DYNC1I1: variants seen among roughly 807,000 people sequenced by gnomAD.
The protein encoded by DYNC1I1 is dynein cytoplasmic 1 intermediate chain 1, also known as cytoplasmic dynein 1 intermediate chain 1.
Under a neutral mutation model 86.6 loss-of-function variants are expected in DYNC1I1, and 43 were observed. The observed-to-expected ratio is 0.50, with a 90% CI of 0.39 to 0.64. The LOEUF (loss-of-function observed/expected upper bound fraction) is 0.64. DYNC1I1 is among the 30% of genes least tolerant of loss of function. The probability of loss-of-function intolerance (pLI) is 0.00; values close to 1 mark genes in which losing one functional copy is unlikely to be tolerated. For synonymous variants in DYNC1I1, 262 were observed against 283.7 expected, an observed-to-expected ratio of 0.92 and a Z score of 0.77; for missense variants, 604 against 788.8, an observed-to-expected ratio of 0.77 and a Z score of 2.81.
At chr7:95,924,443 G>A (rs1218222882) in intron 6 of DYNC1I1, among the ~76,000 whole-genome samples, 1 of 152,150 alleles carries the variant, frequency 6.6e-6, no homozygotes, top group Non-Finnish European at 1.5e-5. Context: ...AATTATGTTG[G>A]ATTGTTATTA....
At chr7:96,010,582 A>G (rs1049451641) in intron 10 of DYNC1I1, among the ~76,000 whole-genome samples, 3 of 152,152 alleles carry the variant, frequency 2.0e-5, no homozygotes, top group African/African-American at 7.2e-5. Context: ...GTTCCTGGGG[A>G]GGGTCTGACC....
chr7:95,981,433 AT>A (rs1233130791), intron 7 of DYNC1I1, among the ~76,000 whole-genome samples: 1 of 150,570 alleles, frequency 6.6e-6, no homozygotes, highest in African/African-American at 2.4e-5. Context: ...TGAAATTTAT[AT>A]TCTATTGTAA....
intron 16 of DYNC1I1, among the ~76,000 whole-genome samples, chr7:96,105,153 G>A (rs1054636857): frequency 6.6e-6 from 1 of 151,284 alleles, no homozygotes; most frequent in African/African-American, 2.4e-5. Context: ...TAGAAATTTA[G>A]TTTTGTATAT....
intron 4 of DYNC1I1, among the ~76,000 whole-genome samples, chr7:95,825,168 G>A (rs1441942023): frequency 2.0e-5 from 3 of 152,166 alleles, no homozygotes; most frequent in Non-Finnish European, 4.4e-5. Flanking sequence ...TTTTCTGGCC[G>A]AGTAAATGCA....
At chr7:96,036,969 G>T (rs1794940984) in intron 13 of DYNC1I1, among the ~76,000 whole-genome samples, 1 of 152,086 alleles carries the variant, frequency 6.6e-6, no homozygotes, top group Non-Finnish European at 1.5e-5. Flanking sequence ...TTATTCCATT[G>T]ATTTTTTTTC....
At chr7:95,794,845 A>G (rs1282342534) in intron 1 of DYNC1I1, among the ~76,000 whole-genome samples, 1 of 152,214 alleles carries the variant, frequency 6.6e-6, no homozygotes, top group African/African-American at 2.4e-5. Context: ...AAAATTTCTG[A>G]ATTTCCTAGT....
At chr7:95,777,159 G>A (rs1793863160) in intron 1 of DYNC1I1, among the ~76,000 whole-genome samples, 1 of 152,150 alleles carries the variant, frequency 6.6e-6, no homozygotes, top group East Asian at 1.9e-4. Flanking sequence ...GATAGGAAAA[G>A]CCTAAAATAT....
intron 6 of DYNC1I1, among the ~76,000 whole-genome samples, chr7:95,967,017 C>T (rs1793032719): frequency 6.6e-6 from 1 of 151,980 alleles, no homozygotes; most frequent in Non-Finnish European, 1.5e-5. Context: ...GAGAAAACGT[C>T]CTTTTTAGAA....
chr7:96,041,336 G>T (rs1789042361), intron 14 of DYNC1I1, among the ~76,000 whole-genome samples: 1 of 152,120 alleles, frequency 6.6e-6, no homozygotes, highest in Non-Finnish European at 1.5e-5. Context: ...TCTGTGATGA[G>T]GCCGAAAGAA....
chr7:95,933,676 T>G (rs1791962718), intron 6 of DYNC1I1, among the ~76,000 whole-genome samples: 1 of 152,026 alleles, frequency 6.6e-6, no homozygotes, highest in African/African-American at 2.4e-5. Flanking sequence ...CTTGCAGAGG[T>G]GACATGACAC....
chr7:96,040,683 C>T (rs1020759387), intron 14 of DYNC1I1, among the ~76,000 whole-genome samples: 1 of 151,530 alleles, frequency 6.6e-6, no homozygotes, highest in Non-Finnish European at 1.5e-5. Flanking sequence ...AGAACGTATG[C>T]ACTAGAATAG....
chr7:96,065,930 T>C (rs1224332773), intron 14 of DYNC1I1, among the ~76,000 whole-genome samples: 1 of 152,222 alleles, frequency 6.6e-6, no homozygotes, highest in Non-Finnish European at 1.5e-5. Flanking sequence ...CTAGAAAAGC[T>C]GAAAACACTC....
At chr7:95,901,255 C>G (rs577105288) in intron 6 of DYNC1I1, among the ~76,000 whole-genome samples, 65 of 152,276 alleles carry the variant, frequency 4.3e-4, no homozygotes, top group African/African-American at 1.5e-3. Context: ...TCTTTTGGAA[C>G]CTGTTCAGAC....
At chr7:96,066,208 A>G (rs536322763) in intron 14 of DYNC1I1, among the ~76,000 whole-genome samples, 4 of 152,228 alleles carry the variant, frequency 2.6e-5, no homozygotes, top group Admixed American at 1.3e-4. Flanking sequence ...AGGTTTTTGC[A>G]TGTTTTGCTC....
At chr7:96,092,197 T>G (rs1790869273) in intron 16 of DYNC1I1, among the ~76,000 whole-genome samples, 1 of 150,668 alleles carries the variant, frequency 6.6e-6, no homozygotes, top group Admixed American at 6.6e-5. Flanking sequence ...AAAAAAAAAG[T>G]ACAGCTCTAA....
At chr7:95,934,653 AAGTTC>A (rs1199050804) in intron 6 of DYNC1I1, among the ~76,000 whole-genome samples, 1 of 152,092 alleles carries the variant, frequency 6.6e-6, no homozygotes, top group Non-Finnish European at 1.5e-5. Flanking sequence ...AAGAGACTTT[AAGTTC>A]ACCTGGTTAA....
At chr7:96,008,763 C>A (rs1216154705) in intron 10 of DYNC1I1, among the ~76,000 whole-genome samples, 1 of 152,064 alleles carries the variant, frequency 6.6e-6, no homozygotes, top group Non-Finnish European at 1.5e-5. Context: ...TATTAGCCAC[C>A]AATTGCTGTT....
At chr7:95,844,554 C>T (rs1299333891) in intron 5 of DYNC1I1, among the ~76,000 whole-genome samples, 3 of 152,024 alleles carry the variant, frequency 2.0e-5, no homozygotes, top group African/African-American at 7.2e-5. Context: ...CTGCAAAATT[C>T]GGAGACTAGG....
chr7:95,783,888 A>G (rs1295666773), intron 1 of DYNC1I1, among the ~76,000 whole-genome samples: 1 of 152,220 alleles, frequency 6.6e-6, no homozygotes, highest in Admixed American at 6.5e-5. Context: ...CAGGATTCAT[A>G]ATAATAGTAT....
Sources: gnomAD v4.1 joint callset for allele counts (sites outside exome capture counted in the v4.1 genomes callset) on GRCh38, gnomAD v4.1.1 for gene constraint, MANE v1.5 for transcripts, NCBI Gene and HGNC (gene_info 2026-07-23, HGNC 2026-07-21) for gene names.